Variants in CDH8 observed in about 807,000 individuals in gnomAD.
The protein encoded by CDH8 is cadherin 8.
In CDH8, 17 loss-of-function variants were observed where a neutral mutation model predicts 68.1. The ratio of observed to expected loss-of-function variants is 0.25; its 90% CI spans 0.17 to 0.37. The LOEUF is 0.37. Ranked by LOEUF, CDH8 falls within the 10% of genes least tolerant of loss-of-function variation. The pLI is 1.00. For synonymous variants in CDH8, 372 were observed against 365.1 expected (o/e 1.02, Z -0.21); for missense variants, 763 against 999.3 (o/e 0.76, Z 3.19).
chr16:61,882,917 G>A (rs1197913637), intron 3 of CDH8, among the ~76,000 whole-genome samples: 2 of 152,144 alleles, frequency 1.3e-5, no homozygotes, highest in Non-Finnish European at 2.9e-5. Context: ...AGTTGCAGGT[G>A]CTCTGAGTCA....
At chr16:61,916,130 T>C (rs1964234515) in intron 2 of CDH8, among the ~76,000 whole-genome samples, 1 of 152,208 alleles carries the variant, frequency 6.6e-6, no homozygotes. Context: ...ATTCTCTCAT[T>C]CCTTCCTCCA....
intron 10 of CDH8, among the ~76,000 whole-genome samples, chr16:61,689,824 C>T (rs1179313722): frequency 1.3e-5 from 2 of 151,802 alleles, no homozygotes; most frequent in South Asian, 2.1e-4. Context: ...GATGGTTTTA[C>T]TAATACATTT....
chr16:62,024,527 T>A (rs1048560981), intron 1 of CDH8, among the ~76,000 whole-genome samples: 2 of 152,130 alleles, frequency 1.3e-5, no homozygotes, highest in African/African-American at 4.8e-5. Flanking sequence ...GACTGTGGTA[T>A]GTTGGATGGA....
rs61028306 is a variant in CDH8 at position 61,926,152 on chromosome 16, G to GGTGTGTGTGT, written c.253-24689_253-24680dup. 2.5e-3 allele frequency among the ~76,000 whole-genome samples: 355 copies of GGTGTGTGTGT among 142,210 alleles called. 3 individuals are homozygous for GGTGTGTGTGT. The highest frequency in any genetic ancestry group is 8.6e-3 in the African/African-American group (331 of 38,408). The allele number at this position is 142,210 out of a possible 152,430, so 93.3% of individuals were successfully genotyped here. A position where few individuals can be genotyped will look rare whatever the true frequency, so the allele number is the denominator to read the frequency against. ...AAATGTTGATTTGGGACTCAGAAGG[G>GGTGTGTGTGT]GTGTGTGTGTGTGTGTGTGTGTGTG... On this transcript the variant is annotated intron_variant, in intron 2 of 11. Coordinates refer to ENST00000577390, the MANE Select transcript of CDH8 (RefSeq NM_001796.5).
intron 7 of CDH8, among the ~76,000 whole-genome samples, chr16:61,793,198 T>C (rs1961418999): frequency 6.6e-6 from 1 of 151,952 alleles, no homozygotes; most frequent in Admixed American, 6.6e-5. Context: ...CACACTGGCA[T>C]GCTAATCTTG....
chr16:61,852,894 CA>C lies in CDH8; in HGVS notation c.667+4224del, dbSNP rs1284034276. Among the ~76,000 whole-genome samples the C allele has an allele frequency of 4.4e-3, 254 of 57,948 alleles. 1 individual carries two copies. Among genetic ancestry groups the C allele is most frequent in the South Asian group, 0.02 (40 of 2,000 alleles). The allele number at this position is 57,948 out of a possible 152,430, so 38.0% of individuals were successfully genotyped here. A position where few individuals can be genotyped will look rare whatever the true frequency, so the allele number is the denominator to read the frequency against. On this transcript the variant is annotated intron_variant, in intron 4 of 11. Coordinates refer to ENST00000577390, the MANE Select transcript of CDH8 (RefSeq NM_001796.5). ...CCTTCCTTCCTTCCTTCCTTCCTTC[CA>C]TTCTTCCTTCCTTCCTTCCTTCCTT...
intron 10 of CDH8, among the ~76,000 whole-genome samples, chr16:61,704,097 T>A (rs1025544583): frequency 6.6e-6 from 1 of 152,300 alleles, no homozygotes; most frequent in East Asian, 1.9e-4. Flanking sequence ...TTTAAAAAAC[T>A]TTTTTGGACA....
chr16:61,864,515 T>C (rs758261965), intron 3 of CDH8, among the ~76,000 whole-genome samples: 8 of 152,150 alleles, frequency 5.3e-5, no homozygotes, highest in Non-Finnish European at 1.2e-4. Context: ...CATTCATTTC[T>C]CTTGAAGGGC....
chr16:61,725,628 T>A (rs1346681981), intron 9 of CDH8: 6 of 150,700 alleles, frequency 4.0e-5, no homozygotes, highest in African/African-American at 1.2e-4. Context: ...AATCTACCAA[T>A]TTAGGTAAAT....
intron 8 of CDH8, among the ~76,000 whole-genome samples, chr16:61,774,542 C>A (rs1048049408): frequency 6.6e-6 from 1 of 151,286 alleles, no homozygotes; most frequent in African/African-American, 2.4e-5. Flanking sequence ...TAACAAACAG[C>A]TGTCTAGGGT....
chr16:61,952,864 G>T (rs1964919925), intron 2 of CDH8, among the ~76,000 whole-genome samples: 1 of 151,862 alleles, frequency 6.6e-6, no homozygotes, highest in African/African-American at 2.4e-5. Flanking sequence ...AGAGCAAATG[G>T]ATACAAAGAG....
At chr16:61,975,545 G>A (rs1378771158) in intron 2 of CDH8, among the ~76,000 whole-genome samples, 2 of 152,140 alleles carry the variant, frequency 1.3e-5, no homozygotes, top group African/African-American at 4.8e-5. Flanking sequence ...AACTAAGTGG[G>A]ATGTAAATTT....
chr16:61,933,346 T>C (rs1025963180), intron 2 of CDH8, among the ~76,000 whole-genome samples: 16 of 152,258 alleles, frequency 1.1e-4, no homozygotes, highest in Admixed American at 8.5e-4. Context: ...GCATCGTATA[T>C]TATGCTGCGG....
In CDH8 at chr16:61,926,933, G is replaced by A. The variant is rs563712231; in HGVS notation, c.253-25460C>T. Among the ~76,000 whole-genome samples, 21 of 152,254 alleles carry A rather than the reference G, an allele frequency of 1.4e-4. 1 individual carries two copies. The highest frequency in any genetic ancestry group is 5.1e-4 in the African/African-American group (21 of 41,538). The stretch of plus-strand genomic sequence containing the variant: ...TCATACCTTTCATGACAATTTCAAG[G>A]ATAAAGAGTAAAAAACAACAGACAC... On this transcript the variant is annotated intron_variant, in intron 2 of 11. Coordinates refer to ENST00000577390, the MANE Select transcript of CDH8 (RefSeq NM_001796.5).
In CDH8 at chr16:61,863,595, T is replaced by C. The variant is rs746918721; in HGVS notation, c.548-6357A>G. Among the ~76,000 whole-genome samples, 132 of 152,268 alleles carry C rather than the reference T, an allele frequency of 8.7e-4. 1 individual carries two copies. In the Middle Eastern group the frequency reaches 0.014, roughly 16 times the overall value. On this transcript the variant is annotated intron_variant, in intron 3 of 11. Coordinates refer to ENST00000577390, the MANE Select transcript of CDH8 (RefSeq NM_001796.5). ...GACAGTTTGGTGCAGCGTAAAAATG[T>C]GCCCACTGGAAAAGCTAAAACTCTT... is the stretch of plus-strand genomic sequence containing the variant.
chr16:61,926,675 G>A (rs1964461575), intron 2 of CDH8, among the ~76,000 whole-genome samples: 1 of 152,180 alleles, frequency 6.6e-6, no homozygotes, highest in African/African-American at 2.4e-5. Context: ...AGGAGGCACT[G>A]TTAAAGGATT....
At chr16:61,735,124 A>T (rs1959640280) in intron 8 of CDH8, among the ~76,000 whole-genome samples, 1 of 152,048 alleles carries the variant, frequency 6.6e-6, no homozygotes, top group Non-Finnish European at 1.5e-5. Context: ...GACACTTGTC[A>T]TTGGATTTAA....
chr16:61,847,876 A>G (rs1342367996), intron 4 of CDH8, among the ~76,000 whole-genome samples: 1 of 145,562 alleles, frequency 6.9e-6, no homozygotes, highest in African/African-American at 2.6e-5. Context: ...TCTACCAACT[A>G]TCCTACACAC....
intron 7 of CDH8, among the ~76,000 whole-genome samples, chr16:61,802,953 G>A (rs1596981943): frequency 1.1e-5 from 1 of 92,910 alleles, no homozygotes; most frequent in Admixed American, 1.2e-4. Flanking sequence ...TCAGATTCAG[G>A]AAATACAGAG....
Sources: gnomAD v4.1 joint callset for allele counts (sites outside exome capture counted in the v4.1 genomes callset) on GRCh38, gnomAD v4.1.1 for gene constraint, MANE v1.5 for transcripts, NCBI Gene and HGNC (gene_info 2026-07-23, HGNC 2026-07-21) for gene names.